Variants in RBFOX1 observed in about 807,000 individuals in gnomAD.
RBFOX1 encodes RNA binding fox-1 homolog 1.
Under a neutral mutation model 57.7 loss-of-function variants are expected in RBFOX1, and 8 were observed. The observed-to-expected ratio is 0.14, with a 90% CI of 0.08 to 0.25. RBFOX1 has a LOEUF of 0.25. Among genes scored for constraint, RBFOX1 ranks in the 10% least tolerant of loss-of-function variants. The pLI, the probability that RBFOX1 is intolerant of heterozygous loss-of-function variation, is 1.00. For synonymous variants in RBFOX1, 326 were observed against 222.4 expected (o/e 1.47, Z -4.15); for missense variants, 611 against 548.5 (o/e 1.11, Z -1.14).
At chr16:7,208,536 T>G (rs1414562060) in intron 4 of RBFOX1, among the ~76,000 whole-genome samples, 1 of 151,986 alleles carries the variant, frequency 6.6e-6, no homozygotes, top group Non-Finnish European at 1.5e-5. Flanking sequence ...GCCAGGCTCT[T>G]TTTCACAACC....
At chr16:5,378,628 C>T (rs112493123) in intron 1 of RBFOX1, among the ~76,000 whole-genome samples, 6,180 of 151,412 alleles carry the variant, frequency 0.041, 273 homozygotes, top group Admixed American at 0.13. Context: ...TGAGAATGGC[C>T]CTGGGTAAAC....
At chr16:6,742,062 T>C (rs78129318) in intron 3 of RBFOX1, among the ~76,000 whole-genome samples, 1 of 152,188 alleles carries the variant, frequency 6.6e-6, no homozygotes, top group Non-Finnish European at 1.5e-5. Context: ...CATTCTACAG[T>C]GTATACATTT....
intron 2 of RBFOX1, among the ~76,000 whole-genome samples, chr16:6,384,039 C>T (rs1298034432): frequency 6.1e-5 from 9 of 147,816 alleles, no homozygotes; most frequent in Admixed American, 6.1e-4. Flanking sequence ...CACCACCATT[C>T]ATCTCTCTTG....
intron 3 of RBFOX1, among the ~76,000 whole-genome samples, chr16:5,819,252 A>G (rs1011631308): frequency 2.0e-5 from 3 of 152,188 alleles, no homozygotes; most frequent in Admixed American, 6.5e-5. Flanking sequence ...ATCCTATGAC[A>G]AAGGATCATA....
chr16:7,172,039 A>G (rs977411832), intron 4 of RBFOX1, among the ~76,000 whole-genome samples: 2 of 151,366 alleles, frequency 1.3e-5, no homozygotes, highest in Non-Finnish European at 2.9e-5. Flanking sequence ...CAGTTTTGTC[A>G]CAATTCACAT....
intron 4 of RBFOX1, among the ~76,000 whole-genome samples, chr16:7,270,184 G>A (rs899803106): frequency 6.6e-6 from 1 of 152,184 alleles, no homozygotes; most frequent in Non-Finnish European, 1.5e-5. Flanking sequence ...CCTTAGCCAG[G>A]GCTCTGTTCC....
chr16:6,954,908 T>A (rs1598297242), intron 3 of RBFOX1, among the ~76,000 whole-genome samples: 3 of 152,218 alleles, frequency 2.0e-5, no homozygotes. Flanking sequence ...GTAATTATCC[T>A]AAACTTATTA....
At chr16:5,712,337 G>T (rs753206750) in intron 3 of RBFOX1, among the ~76,000 whole-genome samples, 28 of 152,186 alleles carry the variant, frequency 1.8e-4, no homozygotes, top group Non-Finnish European at 3.2e-4. Flanking sequence ...TAGGAGATTA[G>T]AAATATTATA....
intron 3 of RBFOX1, among the ~76,000 whole-genome samples, chr16:6,712,246 C>T (rs1446494017): frequency 6.6e-6 from 1 of 152,142 alleles, no homozygotes; most frequent in Non-Finnish European, 1.5e-5. Context: ...TGGAACTCTG[C>T]TATGAACCCT....
chr16:5,664,148 T>C (rs2049754114), intron 3 of RBFOX1, among the ~76,000 whole-genome samples: 1 of 152,238 alleles, frequency 6.6e-6, no homozygotes, highest in African/African-American at 2.4e-5. Context: ...ATGTGTTGTT[T>C]CTTCGATTGG....
At chr16:5,808,321 C>A (rs971857348) in intron 3 of RBFOX1, among the ~76,000 whole-genome samples, 1 of 152,104 alleles carries the variant, frequency 6.6e-6, no homozygotes, top group East Asian at 1.9e-4. Context: ...GGTTACTGTA[C>A]CCTTGTAGTA....
intron 2 of RBFOX1, among the ~76,000 whole-genome samples, chr16:5,517,271 C>A (rs1167349700): frequency 1.3e-5 from 2 of 151,960 alleles, no homozygotes; most frequent in Non-Finnish European, 2.9e-5. Context: ...AGCAGAATTG[C>A]GCAGAATTGT....
At chr16:6,410,915 A>G (rs1237703939) in intron 2 of RBFOX1, among the ~76,000 whole-genome samples, 1 of 152,152 alleles carries the variant, frequency 6.6e-6, no homozygotes, top group Non-Finnish European at 1.5e-5. Context: ...AAAGGAACAT[A>G]TTACTCAGCA....
chr16:5,374,554 G>A (rs12919563), intron 1 of RBFOX1, among the ~76,000 whole-genome samples: 24,080 of 152,094 alleles, frequency 0.16, 2,393 homozygotes, highest in Non-Finnish European at 0.21. Context: ...GGGGAGAGTG[G>A]GGTGGAATTA....
chr16:5,323,034 G>A (rs563815545), intron 1 of RBFOX1, among the ~76,000 whole-genome samples: 2 of 152,152 alleles, frequency 1.3e-5, no homozygotes, highest in Non-Finnish European at 2.9e-5. Context: ...GGATCTCCTT[G>A]GATAAGTCAT....
chr16:5,801,854 T>C (rs1398625528), intron 3 of RBFOX1, among the ~76,000 whole-genome samples: 4 of 152,198 alleles, frequency 2.6e-5, no homozygotes, highest in African/African-American at 9.7e-5. Flanking sequence ...TGTTCAGTTT[T>C]GCTGGTTATG....
intron 2 of RBFOX1, among the ~76,000 whole-genome samples, chr16:5,564,389 GT>G (rs2045989655): frequency 6.6e-6 from 1 of 151,982 alleles, no homozygotes; most frequent in African/African-American, 2.4e-5. Context: ...GTCTTTCTGG[GT>G]TGAATTTTTG....
At chr16:5,475,504 T>C (rs1472039599) in intron 2 of RBFOX1, among the ~76,000 whole-genome samples, 1 of 152,244 alleles carries the variant, frequency 6.6e-6, no homozygotes, top group African/African-American at 2.4e-5. Flanking sequence ...TTCCCAGGCA[T>C]TGTCAACTAT....
intron 3 of RBFOX1, among the ~76,000 whole-genome samples, chr16:7,015,975 A>G (rs961547106): frequency 1.3e-5 from 2 of 152,170 alleles, no homozygotes; most frequent in Non-Finnish European, 2.9e-5. Context: ...TTGGTGTGAT[A>G]GGCAACACCA....
Sources: allele counts gnomAD v4.1 joint callset (sites outside exome capture counted in the v4.1 genomes callset), GRCh38; gene constraint gnomAD v4.1.1; transcripts MANE v1.5; gene names NCBI Gene and HGNC (gene_info 2026-07-23, HGNC 2026-07-21).